The following COL7A1 variants were observed in gnomAD, a reference collection of about 807,000 sequenced individuals.
The protein encoded by COL7A1 is collagen type VII alpha 1 chain.
A neutral mutation model predicts 456.2 loss-of-function variants in COL7A1; 296 were observed. The observed-to-expected ratio is 0.65, with a 90% CI of 0.59 to 0.71. The LOEUF is 0.71. Ranked by LOEUF, COL7A1 falls within the 30% of genes least tolerant of loss-of-function variation. COL7A1 has a pLI of 0.00. For missense variants in COL7A1, 3,441 were observed against 4,017.2 expected, an observed-to-expected ratio of 0.86 and a Z score of 3.88; for synonymous variants, 1,464 against 1,525.9, an observed-to-expected ratio of 0.96 and a Z score of 0.95.
intron 44 of COL7A1, 24 bp downstream of exon 44, chr3:48,582,989 G>A (rs2044884111): frequency 6.2e-7 from 1 of 1,614,052 alleles, no homozygotes. Context: ...CAGCTGGTAT[G>A]AGCATTGCAG....
At position 48,594,685 on chromosome 3, in the gene COL7A1, G is replaced by A; in HGVS notation, c.86-137C>T. On this transcript the variant is annotated intron_variant, in intron 2 of 118. Coordinates refer to ENST00000681320, the MANE Select transcript of COL7A1 (RefSeq NM_000094.4). The surrounding 1 kb of genome is among the most constrained non-coding windows in gnomAD (Gnocchi z 5.5). ...GCAAACCAGGGCCGAATCGGCCTGA[G>A]CCTGAGGGCCTTGGAGGGAGTTGAG... The A allele has an allele frequency of 9.3e-7, 1 of 1,071,628 alleles. No homozygotes were observed. Among genetic ancestry groups the A allele is most frequent in the South Asian group, 1.5e-5 (1 of 65,766 alleles). The allele number at this position is 1,071,628 out of a possible 1,614,324, so 66.4% of individuals were successfully genotyped here.
rs2043579967 is a variant in COL7A1, at chr3:48,565,765, C to T, written c.8408-97G>A. The T allele has an allele frequency of 6.0e-6, 7 of 1,174,884 alleles. No homozygotes were observed. The East Asian group carries it at 1.8e-4, about 30-fold the overall frequency. The allele number at this position is 1,174,884 out of a possible 1,614,324, so 72.8% of individuals were successfully genotyped here. On this transcript the variant is annotated intron_variant, in intron 114 of 118. Transcript: ENST00000681320. The surrounding 1 kb of genome is among the most constrained non-coding windows in gnomAD (Gnocchi z 4.5). ...ACACACAGGCAGAGGGGTAGAGATA[C>T]ACAAAGAGATAGCAGGAGAGGGTAA...
rs200365886 is a variant in COL7A1, at chr3:48,569,842, C to G, written c.7521+38G>C. On this transcript the variant is annotated intron_variant, in intron 100 of 118. Transcript: ENST00000681320. The surrounding 1 kb of genome is among the most constrained non-coding windows in gnomAD (Gnocchi z 4.9). ...TCTAATATCATACAAGATCCACTCA[C>G]CCCCCCACTCATGCCAGGACCTTCC... is the stretch of plus-strand genomic sequence containing the variant. The G allele has an allele frequency of 1.2e-6, 2 of 1,613,650 alleles. No homozygotes were observed. The highest frequency in any genetic ancestry group is 1.7e-4 in the Middle Eastern group (1 of 6,058).
rs758306555 is a variant in COL7A1, at chr3:48,593,686, C to T, written c.277G>A (p.Gly93Ser). 31 of 1,614,064 alleles carry T rather than the reference C, an allele frequency of 1.9e-5. No homozygotes were observed. Among genetic ancestry groups the T allele is most frequent in the African/African-American group, 2.7e-5 (2 of 74,926 alleles). ...CCCCCAGAGCCAAGTGCATCCAGGC[C>T]GAACTCTGTCCTGTTGGAGGGTAGG... is the stretch of plus-strand genomic sequence containing the variant. ...QYSDDPRTEFGLDALGSGGDV... is the reference protein window; with the variant it reads ...QYSDDPRTEFSLDALGSGGDV... The change falls in exon 4 of 119, where the codon GGC becomes AGC. Residue 93 changes from glycine to serine, a missense_variant. This residue lies in a region of COL7A1 where 913 missense variants were observed against 1,088.2 expected (regional missense o/e 0.84). Coordinates refer to ENST00000681320, the MANE Select transcript of COL7A1 (RefSeq NM_000094.4). This position sits in a 1 kb window ranked among gnomAD's most constrained non-coding sequence, Gnocchi z 4.4.
rs1575436171 is a variant in COL7A1, at chr3:48,574,284, A to C, written c.6479T>G (p.Met2160Arg). 6.2e-7 allele frequency: 1 copy of C among 1,614,098 alleles called. No individual in the cohort carries two copies. Reference sequence around the variant, plus strand: ...CACCGGCTTCCCTTCAGGCCCAGCCATACCACGCTCTCCTGGTAGACCCTG... The same window carrying C: ...CACCGGCTTCCCTTCAGGCCCAGCCCTACCACGCTCTCCTGGTAGACCCTG... The part of the protein sequence containing the change: ...GNPGLPGERG[M>R]AGPEGKPGLQ... Residue 2160 changes from methionine to arginine, a missense_variant, in exon 80 of 119, where the codon ATG becomes AGG. Transcript: ENST00000681320. The surrounding 1 kb of genome is among the most constrained non-coding windows in gnomAD (Gnocchi z 5.0).
At chr3:48,584,160 T>C (rs2854394) in intron 37 of COL7A1, 99 bp from the exon 38 acceptor site, 58,904 of 1,601,880 alleles carry the variant, frequency 0.037, 1,459 homozygotes, top group African/African-American at 0.095. Flanking sequence ...ATTTCAAGGA[T>C]TTTGGGAGAA....
At position 48,564,322 on chromosome 3, in the gene COL7A1, T is replaced by TA. The variant is rs530760251; in HGVS notation, c.*83dup. ...GCACGCTCACGTGCACACAAGCCTC[T>TA]AGCACCAAGGGGAGGGACAGTGGGG... On this transcript the variant is annotated 3_prime_UTR_variant, in exon 119 of 119. Transcript: ENST00000681320. This position sits in a 1 kb window ranked among gnomAD's most constrained non-coding sequence, Gnocchi z 6.0. 9.3e-5 allele frequency: 142 copies of TA among 1,529,906 alleles called. 2 individuals carry two copies. In the South Asian group the frequency reaches 1.5e-3, roughly 16 times the overall value. The allele number at this position is 1,529,906 out of a possible 1,614,324, so 94.8% of individuals were successfully genotyped here.
rs1235796528 is a variant in COL7A1, at chr3:48,576,688, G to T, written c.5688C>A (p.Gly1896=). Residue 1896 remains glycine (G), a synonymous_variant, in exon 68 of 119, where the codon GGC becomes GGA. Coordinates refer to ENST00000681320, the MANE Select transcript of COL7A1 (RefSeq NM_000094.4). ...CCAGGACACTCACCTGGCCAGGAGG[G>T]CCCACTGGCCCTGGGAGGCCTGGAG... is the stretch of plus-strand genomic sequence containing the variant. ...QGPPGLPGPV[G]PPGQGFPGVP... 3 of 1,606,490 alleles carry T rather than the reference G, an allele frequency of 1.9e-6. No individual in the cohort carries two copies. In the East Asian group the frequency reaches 6.7e-5, roughly 36 times the overall value.
Position 48,573,921 on chromosome 3 carries a change from T to A in COL7A1, c.6502-31A>T, listed in dbSNP as rs141182783. ...TAGAGAGGGCACTGATGAGCCTCAA[T>A]CTGGGCCTCACTTGGGCCTGTTCCC... On this transcript the variant is annotated intron_variant, in intron 80 of 118. Coordinates refer to ENST00000681320, the MANE Select transcript of COL7A1 (RefSeq NM_000094.4). The surrounding 1 kb of genome is among the most constrained non-coding windows in gnomAD (Gnocchi z 5.5). 2,692 of 1,611,878 alleles carry A rather than the reference T, an allele frequency of 1.7e-3. 33 individuals are homozygous for A. The African/African-American group carries it at 0.027, about 16-fold the overall frequency.
chr3:48,586,540 T>A lies in COL7A1; in HGVS notation c.3403+23A>T. The A allele has an allele frequency of 6.2e-7, 1 of 1,613,484 alleles. No individual in the cohort carries two copies. The highest frequency in any genetic ancestry group is 8.5e-7 in the Non-Finnish European group (1 of 1,179,974). On this transcript the variant is annotated intron_variant, in intron 26 of 118. Transcript: ENST00000681320. The surrounding 1 kb of genome is among the most constrained non-coding windows in gnomAD (Gnocchi z 5.1). ...AGCTCCCAGTGGATAGCCCCAGGAG[T>A]CCATGCCTGCTGCAGTCCTCACCCA...
chr3:48,570,397 G>A lies in COL7A1; in HGVS notation c.7381-63C>T. 6.2e-7 allele frequency: 1 copy of A among 1,613,956 alleles called. No individual in the cohort carries two copies. Among genetic ancestry groups the A allele is most frequent in the African/African-American group, 1.3e-5 (1 of 75,018 alleles). On this transcript the variant is annotated intron_variant, in intron 97 of 118. Coordinates refer to ENST00000681320, the MANE Select transcript of COL7A1 (RefSeq NM_000094.4). This position sits in a 1 kb window ranked among gnomAD's most constrained non-coding sequence, Gnocchi z 5.5. Reference sequence around the variant, plus strand: ...ATCAGTGGGGGACGCAGGGTCATGGGAGGTCAGTGGAGGCTGAAGGGGGTG... The same window carrying A: ...ATCAGTGGGGGACGCAGGGTCATGGAAGGTCAGTGGAGGCTGAAGGGGGTG...
Position 48,588,415 on chromosome 3 carries a change from A to G in COL7A1, c.2588-11T>C, listed in dbSNP as rs1470623453. ...GCGGAGCCTCAGGCGCTGGAGAGAA[A>G]GCTCAGGAATCAGGGAGGCTCTGCC... On this transcript the variant is annotated splice_polypyrimidine_tract_variant and intron_variant, in intron 20 of 118. Coordinates refer to ENST00000681320, the MANE Select transcript of COL7A1 (RefSeq NM_000094.4). This position sits in a 1 kb window ranked among gnomAD's most constrained non-coding sequence, Gnocchi z 4.6. 6.2e-7 allele frequency: 1 copy of G among 1,607,820 alleles called. No homozygotes were observed. Among genetic ancestry groups the G allele is most frequent in the African/African-American group, 1.3e-5 (1 of 74,966 alleles).
chr3:48,586,897 G>A lies in COL7A1; in HGVS notation c.3276+75C>T, dbSNP rs2045304118. ...AATGCCTGAACCTATTGGGTGGTCAGGAGATGGTAACTGGTATGGAGCCTG... is the reference window on the plus strand; with the variant it reads ...AATGCCTGAACCTATTGGGTGGTCAAGAGATGGTAACTGGTATGGAGCCTG... On this transcript the variant is annotated intron_variant, in intron 25 of 118. Coordinates refer to ENST00000681320, the MANE Select transcript of COL7A1 (RefSeq NM_000094.4). The surrounding 1 kb of genome is among the most constrained non-coding windows in gnomAD (Gnocchi z 5.1). 6.4e-7 allele frequency: 1 copy of A among 1,550,776 alleles called. No homozygotes were observed. Among genetic ancestry groups the A allele is most frequent in the East Asian group, 2.4e-5 (1 of 41,310 alleles).
chr3:48,580,328 G>A lies in COL7A1; in HGVS notation c.5069C>T (p.Ser1690Phe). 1.2e-6 allele frequency: 2 copies of A among 1,610,164 alleles called. No individual in the cohort carries two copies. The highest frequency in any genetic ancestry group is 1.7e-6 in the Non-Finnish European group (2 of 1,178,182). Residue 1690 changes from serine to phenylalanine, a missense_variant, in exon 56 of 119, where the codon TCT becomes TTT. Coordinates refer to ENST00000681320, the MANE Select transcript of COL7A1 (RefSeq NM_000094.4). The surrounding 1 kb of genome is among the most constrained non-coding windows in gnomAD (Gnocchi z 4.5). ...CTCCCCACGGTCACCCTTGGGTCCA[G>A]ATGATCCAGGGCTGCCCTGCAGAAA... ...EDGRNGSPGS[S>F]GPKGDRGEPG...
In COL7A1 at chr3:48,592,365, C is replaced by T. The variant is rs2045767651; in HGVS notation, c.1079G>A (p.Trp360Ter). The T allele has an allele frequency of 2.5e-6, 4 of 1,613,608 alleles. No individual in the cohort carries two copies. The highest frequency in any genetic ancestry group is 3.4e-6 in the Non-Finnish European group (4 of 1,180,040). ...CTCTCACTCACCACTGAGGACCCGC[C>T]ATGTCACACGGTAGCCAGTGGCACC... ...VPGATGYRVT[W>*]RVLSGGPTQQ... Residue 360 changes from tryptophan (W) to a stop codon, truncating the protein, a stop_gained, in exon 9 of 119, where the codon TGG becomes TAG. Transcript: ENST00000681320. LOFTEE classifies it high-confidence loss of function. This position sits in a 1 kb window ranked among gnomAD's most constrained non-coding sequence, Gnocchi z 7.6.
rs1252879498 is a variant in COL7A1 at position 48,592,310 on chromosome 3, T to C, written c.1093+41A>G. ...AGACTCAGGACTCTACAGCCTTGTC[T>C]GAGGCGCGGGGACTCCCCTCAGCCC... is the stretch of plus-strand genomic sequence containing the variant. On this transcript the variant is annotated intron_variant, in intron 9 of 118. Transcript: ENST00000681320. The surrounding 1 kb of genome is among the most constrained non-coding windows in gnomAD (Gnocchi z 7.6). 1 of 1,613,646 alleles carries C rather than the reference T, an allele frequency of 6.2e-7. No homozygotes were observed. Among genetic ancestry groups the C allele is most frequent in the Non-Finnish European group, 8.5e-7 (1 of 1,179,986 alleles).
Position 48,568,374 on chromosome 3 carries a change from G to A in COL7A1, c.7794+125C>T. Reference sequence around the variant, plus strand: ...ACTGTGGAGGTGGGGGACCCTGGGTGACATGAGGACACCATGAGAGCACTG... The same window carrying A: ...ACTGTGGAGGTGGGGGACCCTGGGTAACATGAGGACACCATGAGAGCACTG... On this transcript the variant is annotated intron_variant, in intron 105 of 118. Transcript: ENST00000681320. The surrounding 1 kb of genome is among the most constrained non-coding windows in gnomAD (Gnocchi z 5.2). 1 of 1,109,518 alleles carries A rather than the reference G, an allele frequency of 9.0e-7. No homozygotes were observed. The highest frequency in any genetic ancestry group is 2.0e-4 in the Middle Eastern group (1 of 4,914). The allele number at this position is 1,109,518 out of a possible 1,614,324, so 68.7% of individuals were successfully genotyped here.
At position 48,571,582 on chromosome 3, in the gene COL7A1, C is replaced by A. The variant is rs759722738; in HGVS notation, c.7069-304G>T. Reference sequence around the variant, plus strand: ...ACAGACGTGAGTGCGGACACACGGGCGCTCAGAGGGGAACCCCAACACGTC... The same window carrying A: ...ACAGACGTGAGTGCGGACACACGGGAGCTCAGAGGGGAACCCCAACACGTC... On this transcript the variant is annotated intron_variant, in intron 92 of 118. Coordinates refer to ENST00000681320, the MANE Select transcript of COL7A1 (RefSeq NM_000094.4). This position sits in a 1 kb window ranked among gnomAD's most constrained non-coding sequence, Gnocchi z 4.6. 1 of 669,954 alleles carries A rather than the reference C, an allele frequency of 1.5e-6. No individual in the cohort carries two copies. Among genetic ancestry groups the A allele is most frequent in the Non-Finnish European group, 2.8e-6 (1 of 355,222 alleles). 41.5% of individuals were successfully genotyped at this position (669,954 alleles called of 1,614,324 possible).
rs2043680461 is a variant in COL7A1 at position 48,567,920 on chromosome 3, A to G, written c.7876-29T>C. On this transcript the variant is annotated intron_variant, in intron 106 of 118. Transcript: ENST00000681320. The surrounding 1 kb of genome is among the most constrained non-coding windows in gnomAD (Gnocchi z 4.3). The stretch of plus-strand genomic sequence containing the variant: ...AGGGAGAAAAGCAGATGAAGAAGTG[A>G]TTCCCAGACACCTCACTCTGTGACC... The G allele has an allele frequency of 6.2e-7, 1 of 1,613,674 alleles. No homozygotes were observed. The highest frequency in any genetic ancestry group is 1.3e-5 in the African/African-American group (1 of 74,862).
Sources: gnomAD v4.1 joint callset for allele counts on GRCh38, gnomAD v4.1.1 for gene constraint, gnomAD v4.1.1 regional missense constraint, Gnocchi (gnomAD v3.1) non-coding constraint, MANE v1.5 for transcripts, NCBI Gene and HGNC (gene_info 2026-07-23, HGNC 2026-07-21) for gene names.